The following LRRC37A2 variants were observed in gnomAD, a reference collection of about 807,000 sequenced individuals.
LRRC37A2 encodes the protein leucine rich repeat containing 37 member A2.
In LRRC37A2, 9 loss-of-function variants were observed where a neutral mutation model predicts 68.8. The ratio of observed to expected loss-of-function variants is 0.13; its 90% CI spans 0.08 to 0.23. The LOEUF (loss-of-function observed/expected upper bound fraction) is 0.23, where lower values mean the gene tolerates loss of function less well. Among genes scored for constraint, LRRC37A2 ranks in the 10% least tolerant of loss-of-function variants. The pLI is 1.00. For missense variants in LRRC37A2, 168 were observed against 950.4 expected, an observed-to-expected ratio of 0.18 and a Z score of 10.82; for synonymous variants, 63 against 367.6, an observed-to-expected ratio of 0.17 and a Z score of 9.48.
At chr17:46,959,652 AG>A in the LRRC37A2 span, among the ~76,000 whole-genome samples, 1 of 152,228 alleles carries the variant, frequency 6.6e-6, no homozygotes, top group Admixed American at 6.5e-5. Context: ...CATGGATAGC[AG>A]TCCCCTTATG....
the LRRC37A2 span, among the ~76,000 whole-genome samples, chr17:47,040,670 G>C: frequency 1.3e-5 from 1 of 74,106 alleles, no homozygotes; most frequent in African/African-American, 4.6e-5. Context: ...TTGCCAAGGG[G>C]CTCTGTGTAC....
At chr17:46,903,639 C>G in the LRRC37A2 span, among the ~76,000 whole-genome samples, 1 of 152,084 alleles carries the variant, frequency 6.6e-6, no homozygotes, top group Non-Finnish European at 1.5e-5. Context: ...TTCCAGTACC[C>G]TACACCAAAT....
At chr17:46,974,594 C>T in the LRRC37A2 span, among the ~76,000 whole-genome samples, 1 of 152,070 alleles carries the variant, frequency 6.6e-6, no homozygotes, top group South Asian at 2.1e-4. Context: ...ATTAGCTGGG[C>T]GTGGTGGCGG....
the LRRC37A2 span, among the ~76,000 whole-genome samples, chr17:46,842,368 A>C: frequency 6.6e-6 from 1 of 152,064 alleles, no homozygotes; most frequent in South Asian, 2.1e-4. Flanking sequence ...TTAGCTTTAA[A>C]TCTTTATTTA....
chr17:46,992,057 G>T, the LRRC37A2 span, among the ~76,000 whole-genome samples: 1 of 152,188 alleles, frequency 6.6e-6, no homozygotes, highest in East Asian at 1.9e-4. Context: ...GGAATGCAAG[G>T]CCCTTGTTGA....
chr17:46,497,188 T>G, the LRRC37A2 span, among the ~76,000 whole-genome samples: 2 of 130,726 alleles, frequency 1.5e-5, no homozygotes, highest in East Asian at 4.2e-4. Context: ...GCCACCATAC[T>G]TGGCCATATC....
chr17:46,900,234 T>C, the LRRC37A2 span, among the ~76,000 whole-genome samples: 222 of 120,286 alleles, frequency 1.8e-3, 2 homozygotes, highest in African/African-American at 7.5e-3. Context: ...TATATATATA[T>C]ACACACATAT....
At chr17:46,931,782 C>T in the LRRC37A2 span, 3 of 502,460 alleles carry the variant, frequency 6.0e-6, no homozygotes, top group African/African-American at 3.9e-5. Context: ...GGTCAGTGAG[C>T]CTGCTTCCTG....
chr17:46,900,232 T>C, the LRRC37A2 span, among the ~76,000 whole-genome samples: 2 of 136,006 alleles, frequency 1.5e-5, no homozygotes, highest in Admixed American at 7.2e-5. Flanking sequence ...TATATATATA[T>C]ATACACACAT....
chr17:46,703,680 C>CAAAAAAAAAAAAAAAA, the LRRC37A2 span, among the ~76,000 whole-genome samples: 27 of 37,692 alleles, frequency 7.2e-4, no homozygotes, highest in East Asian at 1.7e-3. Flanking sequence ...GACTCCGTCT[C>CAAAAAAAAAAAAAAAA]AAAAAAAAAA....
chr17:46,870,608 G>T, the LRRC37A2 span, among the ~76,000 whole-genome samples: 1 of 152,214 alleles, frequency 6.6e-6, no homozygotes, highest in South Asian at 2.1e-4. Context: ...CCTGATGGGT[G>T]TGGAATCTAC....
chr17:46,882,305 G>A, the LRRC37A2 span, among the ~76,000 whole-genome samples: 1 of 152,170 alleles, frequency 6.6e-6, no homozygotes, highest in Non-Finnish European at 1.5e-5. Flanking sequence ...AACAGTGATA[G>A]TTTGAAGAGT....
the LRRC37A2 span, among the ~76,000 whole-genome samples, chr17:46,784,603 T>C: frequency 6.6e-6 from 1 of 151,898 alleles, no homozygotes; most frequent in East Asian, 1.9e-4. Flanking sequence ...GCTGGAAAGG[T>C]GGGCTCTCCC....
At chr17:46,522,459 G>GTTTT (rs2052398791) in intron 4 of LRRC37A2, among the ~76,000 whole-genome samples, 3 of 127,632 alleles carry the variant, frequency 2.4e-5, no homozygotes, top group African/African-American at 9.1e-5. Context: ...TTGTTTGTTT[G>GTTTT]TTTGAGACGG....
the LRRC37A2 span, chr17:46,979,334 C>G: frequency 5.0e-6 from 1 of 199,222 alleles, no homozygotes; most frequent in East Asian, 1.2e-4. Context: ...CCGCCGGTCC[C>G]CGCGGCATCT....
the LRRC37A2 span, chr17:46,923,935 G>C: frequency 2.5e-6 from 1 of 398,470 alleles, no homozygotes. Context: ...TTTTTACCCT[G>C]TTTTGGAGGG....
the LRRC37A2 span, chr17:46,924,225 C>A: frequency 5.2e-6 from 1 of 192,002 alleles, no homozygotes; most frequent in Non-Finnish European, 1.1e-5. Flanking sequence ...AGAATTTGTC[C>A]TTTTGTATCT....
the LRRC37A2 span, among the ~76,000 whole-genome samples, chr17:46,727,146 C>A: frequency 1.3e-5 from 2 of 152,092 alleles, no homozygotes; most frequent in African/African-American, 2.4e-5. Context: ...GATAATAAAT[C>A]TTGAAAAAAT....
At chr17:46,990,549 C>T in the LRRC37A2 span, among the ~76,000 whole-genome samples, 50 of 152,350 alleles carry the variant, frequency 3.3e-4, no homozygotes, top group Admixed American at 1.9e-3. Context: ...CACCAGGAAC[C>T]AGTGTCCAGG....
Sources: gnomAD v4.1 joint callset for allele counts (sites outside exome capture counted in the v4.1 genomes callset) on GRCh38, gnomAD v4.1.1 for gene constraint, MANE v1.5 for transcripts, NCBI Gene and HGNC (gene_info 2026-07-23, HGNC 2026-07-21) for gene names.